The following BBS9 variants were observed in gnomAD, a reference collection of about 807,000 sequenced individuals.
BBS9 encodes protein PTHB1.
BBS9 carries 89 observed loss-of-function variants against 117.7 expected under a neutral mutation model. That is an observed-to-expected ratio of 0.76 (90% CI 0.64 to 0.90). The LOEUF (loss-of-function observed/expected upper bound fraction) is 0.90, where lower values mean the gene tolerates loss of function less well. BBS9 is among the 40% of genes least tolerant of loss of function. BBS9 has a pLI of 0.00. For synonymous variants in BBS9, 379 were observed against 370.9 expected (o/e 1.02, Z -0.25); for missense variants, 982 against 1,042.2 (o/e 0.94, Z 0.80).
chr7:33,357,247 T>C (rs1445459815), intron 15 of BBS9, among the ~76,000 whole-genome samples: 1 of 151,740 alleles, frequency 6.6e-6, no homozygotes, highest in Non-Finnish European at 1.5e-5. Context: ...TATGTAAAGT[T>C]AAATGGCTTG....
chr7:33,613,685 A>T (rs555687211), intron 21 of BBS9, among the ~76,000 whole-genome samples: 1 of 152,168 alleles, frequency 6.6e-6, no homozygotes, highest in African/African-American at 2.4e-5. Flanking sequence ...ACACGAAAAA[A>T]AATTAACATC....
At chr7:33,522,557 G>A (rs1018382118) in intron 20 of BBS9, among the ~76,000 whole-genome samples, 4 of 152,156 alleles carry the variant, frequency 2.6e-5, no homozygotes, top group African/African-American at 4.8e-5. Flanking sequence ...TTTGAGAAGT[G>A]TCTGTTCATG....
At chr7:33,233,990 T>C (rs1283488288) in intron 5 of BBS9, among the ~76,000 whole-genome samples, 1 of 152,146 alleles carries the variant, frequency 6.6e-6, no homozygotes, top group Non-Finnish European at 1.5e-5. Flanking sequence ...TCATTCTGGC[T>C]GATGTCTGTC....
rs946999139 is a variant in BBS9 at position 33,257,337 on chromosome 7, G to C, written c.544G>C (p.Gly182Arg). The change falls in exon 6 of 23, where the codon GGT becomes CGT. Residue 182 changes from glycine (G) to arginine (R), a missense_variant. Physicochemically the swap from Gly to Arg is moderately radical, Grantham distance 125. Coordinates refer to ENST00000242067, the MANE Select transcript of BBS9 (RefSeq NM_198428.3). The part of the protein sequence containing the change: ...GRFLPGFLLP[G>R]PLAYSSRTDS... ...ATTTCTCCCTGGCTTTCTTCTGCCT[G>C]GTCCTCTTGCCTACAGTTCCCGTAC... The C allele has an allele frequency of 6.2e-7, 1 of 1,613,854 alleles. No homozygotes were observed. Among genetic ancestry groups the C allele is most frequent in the Non-Finnish European group, 8.5e-7 (1 of 1,179,860 alleles).
chr7:33,596,257 A>AACACACAC (rs777940429), intron 21 of BBS9, among the ~76,000 whole-genome samples: 142 of 118,852 alleles, frequency 1.2e-3, no homozygotes, highest in African/African-American at 3.2e-3. Context: ...ACAGAACAGA[A>AACACACAC]ACACACACAC....
chr7:33,469,483 A>G (rs960347396), intron 19 of BBS9, among the ~76,000 whole-genome samples: 2 of 152,178 alleles, frequency 1.3e-5, no homozygotes, highest in African/African-American at 4.8e-5. Context: ...TTCTGTAGAC[A>G]GGAGGGATAT....
intron 19 of BBS9, among the ~76,000 whole-genome samples, chr7:33,404,195 T>C (rs1274595135): frequency 6.6e-6 from 1 of 152,120 alleles, no homozygotes; most frequent in East Asian, 1.9e-4. Context: ...TCTGTTCCAT[T>C]GATCTATATC....
chr7:33,545,924 CTT>C (rs10537037), intron 21 of BBS9, among the ~76,000 whole-genome samples: 12 of 64,612 alleles, frequency 1.9e-4, no homozygotes, highest in African/African-American at 6.9e-4. Flanking sequence ...CTTTATAATC[CTT>C]TTTTTTTTTT....
chr7:33,287,706 A>G (rs1410656821), intron 9 of BBS9, among the ~76,000 whole-genome samples: 2 of 152,224 alleles, frequency 1.3e-5, no homozygotes, highest in South Asian at 2.1e-4. Flanking sequence ...AGTGTAAAAT[A>G]AAAGAATTGC....
Position 33,230,284 on chromosome 7 carries a change from G to A in BBS9, c.443-26952G>A, listed in dbSNP as rs1188438326. 3.3e-5 allele frequency among the ~76,000 whole-genome samples: 5 copies of A among 151,958 alleles called. No homozygotes were observed. In the East Asian group the frequency reaches 9.6e-4, roughly 29 times the overall value. On this transcript the variant is annotated intron_variant, in intron 5 of 22. Coordinates refer to ENST00000242067, the MANE Select transcript of BBS9 (RefSeq NM_198428.3). ...GTCTGATTTATTTATTTTTGCTTTT[G>A]TGGCCTTCTCTTTTGGTGTGATTTC... is the stretch of plus-strand genomic sequence containing the variant.
intron 20 of BBS9, 32 bp downstream of exon 20, chr7:33,505,677 C>G (rs768490083): frequency 6.2e-7 from 1 of 1,608,366 alleles, no homozygotes; most frequent in Admixed American, 1.7e-5. Flanking sequence ...GTGGGAACAG[C>G]CAGCATTATT....
At chr7:33,306,215 T>C (rs1277890463) in intron 9 of BBS9, among the ~76,000 whole-genome samples, 2 of 152,080 alleles carry the variant, frequency 1.3e-5, no homozygotes, top group South Asian at 4.1e-4. Context: ...AAAATTTCTC[T>C]TTTTGTTGAT....
intron 5 of BBS9, among the ~76,000 whole-genome samples, chr7:33,223,728 A>G (rs750322194): frequency 6.6e-6 from 1 of 151,752 alleles, no homozygotes; most frequent in Non-Finnish European, 1.5e-5. Context: ...ATCAAAGAAG[A>G]CTTCCTTTAT....
At chr7:33,142,495 A>G (rs1263048043) in intron 1 of BBS9, among the ~76,000 whole-genome samples, 1 of 152,362 alleles carries the variant, frequency 6.6e-6, no homozygotes, top group Non-Finnish European at 1.5e-5. Context: ...ATTTTTAACT[A>G]TATAGTTCAG....
rs562593300 is a variant in BBS9 at position 33,410,891 on chromosome 7, C to T, written c.2115+22747C>T. On this transcript the variant is annotated intron_variant, in intron 19 of 22. Coordinates refer to ENST00000242067, the MANE Select transcript of BBS9 (RefSeq NM_198428.3). Reference sequence around the variant, plus strand: ...ACCTTTTTCTCCTTTTCACACACGTCTCGTAAGATCCATAGTACTTTTATT... The same window carrying T: ...ACCTTTTTCTCCTTTTCACACACGTTTCGTAAGATCCATAGTACTTTTATT... 4.2e-5 allele frequency among the ~76,000 whole-genome samples: 6 copies of T among 143,862 alleles called. No homozygotes were observed. In the East Asian group the frequency reaches 1.2e-3, roughly 29 times the overall value. 94.4% of individuals were successfully genotyped at this position (143,862 alleles called of 152,430 possible).
In BBS9 at chr7:33,299,762, A is replaced by G. The variant is rs955378242; in HGVS notation, c.1016+25806A>G. Among the ~76,000 whole-genome samples the G allele has an allele frequency of 3.3e-5, 5 of 152,220 alleles. No homozygotes were observed. In the East Asian group the frequency reaches 9.7e-4, roughly 29 times the overall value. ...CCAAACAATAATTTTTGAAGCAGGT[A>G]CTACTAGTATTTTTTTATTTTACAG... On this transcript the variant is annotated intron_variant, in intron 9 of 22. Coordinates refer to ENST00000242067, the MANE Select transcript of BBS9 (RefSeq NM_198428.3).
At chr7:33,171,163 A>G (rs1438229048) in intron 4 of BBS9, among the ~76,000 whole-genome samples, 1 of 152,222 alleles carries the variant, frequency 6.6e-6, no homozygotes, top group Non-Finnish European at 1.5e-5. Context: ...CCAAGCCAGA[A>G]GAACAAAGCT....
At chr7:33,537,310 A>G (rs1350642051) in intron 21 of BBS9, among the ~76,000 whole-genome samples, 1 of 152,184 alleles carries the variant, frequency 6.6e-6, no homozygotes, top group Non-Finnish European at 1.5e-5. Flanking sequence ...CCATGGTGAC[A>G]ACATCCTCCC....
intron 10 of BBS9, among the ~76,000 whole-genome samples, chr7:33,339,090 A>G (rs1477343090): frequency 6.6e-6 from 1 of 152,182 alleles, no homozygotes; most frequent in Non-Finnish European, 1.5e-5. Flanking sequence ...CCCAAATAAG[A>G]TAGAGGTTTC....
Sources: gnomAD v4.1 joint callset for allele counts (sites outside exome capture counted in the v4.1 genomes callset) on GRCh38, gnomAD v4.1.1 for gene constraint, MANE v1.5 for transcripts, NCBI Gene and HGNC (gene_info 2026-07-23, HGNC 2026-07-21) for gene names.